Variants in ETS1 observed in about 807,000 individuals in gnomAD.
ETS1 encodes protein C-ets-1.
In ETS1, 15 loss-of-function variants were observed where a neutral mutation model predicts 58.6. The observed-to-expected ratio is 0.26, with a 90% confidence interval of 0.17 to 0.39. The LOEUF (loss-of-function observed/expected upper bound fraction) is 0.39, where lower values mean the gene tolerates loss of function less well. Among genes scored for constraint, ETS1 ranks in the 10% least tolerant of loss-of-function variants. The pLI is 1.00. For synonymous variants in ETS1, 214 were observed against 218.2 expected, an observed-to-expected ratio of 0.98 and a Z score of 0.17; for missense variants, 417 against 610.5, an observed-to-expected ratio of 0.68 and a Z score of 3.34.
intron 7 of ETS1, among the ~76,000 whole-genome samples, chr11:128,482,941 T>C (rs529803295): frequency 6.6e-6 from 1 of 152,280 alleles, no homozygotes; most frequent in South Asian, 2.1e-4. Context: ...AAGTGGGGCA[T>C]AGAAGCACTC....
intron 3 of ETS1, among the ~76,000 whole-genome samples, chr11:128,518,544 A>C (rs1345336790): frequency 6.6e-6 from 1 of 152,242 alleles, no homozygotes; most frequent in Non-Finnish European, 1.5e-5. Context: ...AGAGAGATTA[A>C]GTCATTTGTC....
chr11:128,564,372 A>C, intron 2 of ETS1, among the ~76,000 whole-genome samples: 1 of 152,234 alleles, frequency 6.6e-6, no homozygotes. Context: ...TGCAGGCCTG[A>C]CACGCTGCAG....
At chr11:128,517,562 C>T (rs1192777718) in intron 3 of ETS1, among the ~76,000 whole-genome samples, 1 of 152,220 alleles carries the variant, frequency 6.6e-6, no homozygotes, top group East Asian at 1.9e-4. Flanking sequence ...TTTTGAATGA[C>T]AAGAACCTAC....
intron 3 of ETS1, chr11:128,521,958 T>A: frequency 6.2e-7 from 1 of 1,606,812 alleles, no homozygotes. Context: ...GTCTTGATGA[T>A]GGTGAGAGTC....
At chr11:128,469,628 A>G (rs1389967294) in intron 8 of ETS1, among the ~76,000 whole-genome samples, 1 of 152,188 alleles carries the variant, frequency 6.6e-6, no homozygotes, top group East Asian at 1.9e-4. Flanking sequence ...AAACATCCTG[A>G]CAGTTTCTTG....
At chr11:128,542,832 A>C (rs1324022846) in intron 3 of ETS1, among the ~76,000 whole-genome samples, 2 of 152,120 alleles carry the variant, frequency 1.3e-5, no homozygotes, top group Non-Finnish European at 2.9e-5. Context: ...TTAACCCTTA[A>C]GTGATGACAC....
In ETS1 at chr11:128,566,585, C is replaced by G. The variant is rs11221353; in HGVS notation, c.69+6477G>C. ...GATCACGAGGTCAGGAGATCGAGAC[C>G]ATCCTGGCTAACACAGTGAAACCCC... On this transcript the variant is annotated intron_variant, in intron 2 of 9. Coordinates refer to ENST00000392668, the MANE Select transcript of ETS1 (RefSeq NM_001143820.2). Among the ~76,000 whole-genome samples the G allele has an allele frequency of 2.9e-3, 445 of 152,182 alleles. 1 individual carries two copies. The highest frequency in any genetic ancestry group is 0.014 in the Middle Eastern group (4 of 292).
At chr11:128,583,207 G>T (rs1184147922) in intron 1 of ETS1, among the ~76,000 whole-genome samples, 1 of 152,190 alleles carries the variant, frequency 6.6e-6, no homozygotes, top group Non-Finnish European at 1.5e-5. Context: ...ATTATAACAA[G>T]GTAGGTGTTT....
chr11:128,566,523 C>T (rs1401126566), intron 2 of ETS1, among the ~76,000 whole-genome samples: 3 of 152,116 alleles, frequency 2.0e-5, no homozygotes, highest in East Asian at 3.9e-4. Context: ...GTGGCTCACA[C>T]CTGTAATCCC....
chr11:128,572,030 C>T (rs60226419), intron 2 of ETS1: 10,390 of 145,344 alleles, frequency 0.071, 523 homozygotes, highest in South Asian at 0.15. Context: ...GGCAACAGAG[C>T]GAGACCATCT....
At chr11:128,499,365 G>C (rs1863026549) in intron 3 of ETS1, among the ~76,000 whole-genome samples, 1 of 152,138 alleles carries the variant, frequency 6.6e-6, no homozygotes, top group Admixed American at 6.5e-5. Context: ...GACTAGAACT[G>C]TATCTTTTAG....
At chr11:128,518,068 T>C (rs951444115) in intron 3 of ETS1, among the ~76,000 whole-genome samples, 2 of 152,190 alleles carry the variant, frequency 1.3e-5, no homozygotes, top group African/African-American at 4.8e-5. Context: ...TTGGTAGCCT[T>C]CCTGCTCTGA....
chr11:128,568,363 C>T (rs1864549365), intron 2 of ETS1, among the ~76,000 whole-genome samples: 1 of 152,216 alleles, frequency 6.6e-6, no homozygotes. Flanking sequence ...GAGAATGACG[C>T]ATGAGAGGAC....
intron 3 of ETS1, among the ~76,000 whole-genome samples, chr11:128,539,580 A>G (rs1363491857): frequency 2.0e-5 from 3 of 152,234 alleles, no homozygotes; most frequent in Non-Finnish European, 2.9e-5. Flanking sequence ...CACTTTCAAA[A>G]ACAGTTGGGC....
intron 3 of ETS1, among the ~76,000 whole-genome samples, chr11:128,544,873 C>A (rs184775897): frequency 1.3e-5 from 2 of 152,298 alleles, no homozygotes; most frequent in Admixed American, 1.3e-4. Context: ...CAATTAGTCT[C>A]TCTATTCAGA....
In ETS1 at chr11:128,557,013, C is replaced by A. The variant is rs79750820; in HGVS notation, c.70-578G>T. Among the ~76,000 whole-genome samples the A allele has an allele frequency of 5.4e-3, 817 of 152,284 alleles. 3 individuals are homozygous for A. The highest frequency in any genetic ancestry group is 9.1e-3 in the Non-Finnish European group (622 of 68,016). On this transcript the variant is annotated intron_variant, in intron 2 of 9. Coordinates refer to ENST00000392668, the MANE Select transcript of ETS1 (RefSeq NM_001143820.2). ...GCCACACTCTTAGTAATTTTATGAACTCCATAAAATATACAATCCCAATCT... is the reference window on the plus strand; with the variant it reads ...GCCACACTCTTAGTAATTTTATGAAATCCATAAAATATACAATCCCAATCT...
In ETS1 at chr11:128,549,500, T is replaced by G. The variant is rs1864195168; in HGVS notation, c.214+6791A>C. 6.6e-6 allele frequency among the ~76,000 whole-genome samples: 1 copy of G among 152,092 alleles called. No individual in the cohort carries two copies. Among genetic ancestry groups the G allele is most frequent in the South Asian group, 2.1e-4 (1 of 4,828 alleles). On this transcript the variant is annotated intron_variant, in intron 3 of 9. Transcript: ENST00000392668. This position sits in a 1 kb window ranked among gnomAD's most constrained non-coding sequence, Gnocchi z 4.3. ...CCTTTTCCCAACTCGGACCAAATAT[T>G]TGTGGTTTGAAAAAGTTGAGAGAAC... is the stretch of plus-strand genomic sequence containing the variant.
intron 3 of ETS1, among the ~76,000 whole-genome samples, chr11:128,522,624 G>A (rs1245876848): frequency 6.6e-6 from 1 of 152,228 alleles, no homozygotes; most frequent in Non-Finnish European, 1.5e-5. Context: ...CCGGGAGCGG[G>A]TGTGCAGGCT....
chr11:128,560,643 G>A (rs1239999824), intron 2 of ETS1, among the ~76,000 whole-genome samples: 2 of 152,318 alleles, frequency 1.3e-5, no homozygotes, highest in African/African-American at 2.4e-5. Flanking sequence ...GCTCAAGAAT[G>A]GTGGTTACTG....
Sources: allele counts gnomAD v4.1 joint callset (sites outside exome capture counted in the v4.1 genomes callset), GRCh38; gene constraint gnomAD v4.1.1; non-coding constraint Gnocchi (gnomAD v3.1); transcripts MANE v1.5; gene names NCBI Gene and HGNC (gene_info 2026-07-23, HGNC 2026-07-21).